Variants in GRIN3A observed in about 807,000 individuals in gnomAD.
GRIN3A encodes the protein glutamate ionotropic receptor NMDA type subunit 3A, also known as glutamate receptor ionotropic, NMDA 3A.
In GRIN3A, 47 loss-of-function variants were observed where a neutral mutation model predicts 92.4. That is an observed-to-expected ratio of 0.51 (90% CI 0.40 to 0.65). The LOEUF (loss-of-function observed/expected upper bound fraction) is 0.65. Ranked by LOEUF, GRIN3A falls within the 30% of genes least tolerant of loss-of-function variation. The pLI is 0.00. For missense variants in GRIN3A, 1,324 were observed against 1,393.1 expected, an observed-to-expected ratio of 0.95 and a Z score of 0.79; for synonymous variants, 527 against 540.6, an observed-to-expected ratio of 0.97 and a Z score of 0.35.
At chr9:101,698,805 A>G (rs539067512) in intron 1 of GRIN3A, among the ~76,000 whole-genome samples, 1 of 152,176 alleles carries the variant, frequency 6.6e-6, no homozygotes, top group East Asian at 1.9e-4. Flanking sequence ...AGTAGATGGG[A>G]CTACAGGTGC....
At chr9:101,586,743 G>C (rs1827955259) in intron 6 of GRIN3A, among the ~76,000 whole-genome samples, 1 of 152,184 alleles carries the variant, frequency 6.6e-6, no homozygotes, top group African/African-American at 2.4e-5. Context: ...TGGTTTTGGT[G>C]TATCTACCAA....
intron 1 of GRIN3A, among the ~76,000 whole-genome samples, chr9:101,691,530 G>T (rs572902704): frequency 9.2e-5 from 14 of 152,216 alleles, no homozygotes; most frequent in African/African-American, 2.9e-4. Context: ...TCACTATATA[G>T]GTAAATATAT....
At chr9:101,586,389 C>G (rs1165689681) in intron 6 of GRIN3A, among the ~76,000 whole-genome samples, 1 of 152,122 alleles carries the variant, frequency 6.6e-6, no homozygotes, top group African/African-American at 2.4e-5. Flanking sequence ...CATATGAAAA[C>G]TAGGATTTTT....
chr9:101,631,211 C>T (rs1205023532), intron 3 of GRIN3A, among the ~76,000 whole-genome samples: 2 of 152,066 alleles, frequency 1.3e-5, no homozygotes, highest in African/African-American at 2.4e-5. Context: ...TTTCTAATGC[C>T]TTTCATTTTG....
intron 1 of GRIN3A, among the ~76,000 whole-genome samples, chr9:101,726,843 ATGTGC>A (rs1484949184): frequency 6.6e-6 from 1 of 152,054 alleles, no homozygotes; most frequent in Non-Finnish European, 1.5e-5. Context: ...AATGTGATTC[ATGTGC>A]TTGAGAAACT....
intron 2 of GRIN3A, 93 bp from the exon 3 acceptor site, chr9:101,671,200 A>G (rs1043023969): frequency 1.1e-6 from 1 of 887,202 alleles, no homozygotes; most frequent in African/African-American, 1.7e-5. Flanking sequence ...CTTAATAAAA[A>G]TAAATTCGAA....
chr9:101,576,471 C>A (rs907156770), intron 8 of GRIN3A, among the ~76,000 whole-genome samples: 4 of 152,174 alleles, frequency 2.6e-5, no homozygotes, highest in African/African-American at 9.7e-5. Flanking sequence ...TCAAAAGACA[C>A]AAATGGTTTT....
At chr9:101,588,390 AC>A (rs1289235533) in intron 6 of GRIN3A, among the ~76,000 whole-genome samples, 1 of 152,106 alleles carries the variant, frequency 6.6e-6, no homozygotes, top group East Asian at 1.9e-4. Flanking sequence ...CATTCCTCTA[AC>A]CTGGAAACTG....
intron 1 of GRIN3A, among the ~76,000 whole-genome samples, chr9:101,702,312 ATT>A (rs1005183219): frequency 6.6e-6 from 1 of 152,076 alleles, no homozygotes; most frequent in African/African-American, 2.4e-5. Flanking sequence ...CCAAAAAAAA[ATT>A]TTTTTATTTA....
At chr9:101,619,834 C>T (rs148894553) in intron 5 of GRIN3A, among the ~76,000 whole-genome samples, 8 of 152,290 alleles carry the variant, frequency 5.3e-5, no homozygotes, top group Admixed American at 1.3e-4. Flanking sequence ...ATTGGAGACA[C>T]GTATTCATTT....
chr9:101,662,941 C>T (rs1161441728), intron 3 of GRIN3A, among the ~76,000 whole-genome samples: 1 of 151,818 alleles, frequency 6.6e-6, no homozygotes, highest in Non-Finnish European at 1.5e-5. Context: ...ACAGCTCTCC[C>T]TACAGTATGA....
At chr9:101,707,165 A>G (rs1829824107) in intron 1 of GRIN3A, among the ~76,000 whole-genome samples, 1 of 152,230 alleles carries the variant, frequency 6.6e-6, no homozygotes, top group African/African-American at 2.4e-5. Flanking sequence ...TCCCAGCAGT[A>G]AGTATTTTTT....
intron 6 of GRIN3A, among the ~76,000 whole-genome samples, chr9:101,586,116 C>A (rs1827947493): frequency 6.6e-6 from 1 of 152,220 alleles, no homozygotes; most frequent in African/African-American, 2.4e-5. Context: ...TGTCACCTAT[C>A]CATGAAGTTT....
At chr9:101,617,073 G>A (rs890989255) in intron 5 of GRIN3A, among the ~76,000 whole-genome samples, 9 of 149,968 alleles carry the variant, frequency 6.0e-5, no homozygotes, top group Non-Finnish European at 1.0e-4. Context: ...GGTGGCGGGC[G>A]CCTGTAGTCG....
chr9:101,668,517 C>T (rs2118946859), intron 3 of GRIN3A, among the ~76,000 whole-genome samples: 1 of 152,172 alleles, frequency 6.6e-6, no homozygotes, highest in South Asian at 2.1e-4. Flanking sequence ...AAAGAATAAA[C>T]AAAGGCTGCT....
At chr9:101,578,343 ATAG>A (rs1827851860) in intron 7 of GRIN3A, among the ~76,000 whole-genome samples, 1 of 152,084 alleles carries the variant, frequency 6.6e-6, no homozygotes, top group Non-Finnish European at 1.5e-5. Flanking sequence ...CAAACCAATG[ATAG>A]TAACCTATCT....
At chr9:101,714,371 C>G (rs955385080) in intron 1 of GRIN3A, among the ~76,000 whole-genome samples, 3 of 152,024 alleles carry the variant, frequency 2.0e-5, no homozygotes, top group African/African-American at 7.2e-5. Context: ...ACATAAAAAG[C>G]TTGGCAAATA....
Position 101,597,131 on chromosome 9 carries a change from T to C in GRIN3A, c.2766+16245A>G, listed in dbSNP as rs75258147. The stretch of plus-strand genomic sequence containing the variant: ...GACACAACCACTGACAGATTCCAAG[T>C]TAAGACTTTGGGGATTTTATCATCA... On this transcript the variant is annotated intron_variant, in intron 6 of 8. Coordinates refer to ENST00000361820, the MANE Select transcript of GRIN3A (RefSeq NM_133445.3). 9.3e-3 allele frequency among the ~76,000 whole-genome samples: 1,422 copies of C among 152,304 alleles called. 23 individuals are homozygous for C. The highest frequency in any genetic ancestry group is 0.033 in the African/African-American group (1,359 of 41,570).
chr9:101,680,374 G>A lies in GRIN3A; in HGVS notation c.1304+6222C>T, dbSNP rs572057865. Among the ~76,000 whole-genome samples, 3 of 152,156 alleles carry A rather than the reference G, an allele frequency of 2.0e-5. No homozygotes were observed. The South Asian group carries it at 6.2e-4, about 32-fold the overall frequency. Reference sequence around the variant, plus strand: ...ATTTTCTAATTCTTCTCAATGCCTGGCACATAATAGGTTCTTAAGAATATA... The same window carrying A: ...ATTTTCTAATTCTTCTCAATGCCTGACACATAATAGGTTCTTAAGAATATA... On this transcript the variant is annotated intron_variant, in intron 2 of 8. Coordinates refer to ENST00000361820, the MANE Select transcript of GRIN3A (RefSeq NM_133445.3).
Sources: allele counts gnomAD v4.1 joint callset (sites outside exome capture counted in the v4.1 genomes callset), GRCh38; gene constraint gnomAD v4.1.1; transcripts MANE v1.5; gene names NCBI Gene and HGNC (gene_info 2026-07-23, HGNC 2026-07-21).